NHERF1: variants seen among roughly 807,000 people sequenced by gnomAD.
NHERF1 encodes NHERF family PDZ scaffold protein 1.
the NHERF1 span, among the ~76,000 whole-genome samples, chr17:74,756,874 TG>T: frequency 6.6e-6 from 1 of 152,210 alleles, no homozygotes; most frequent in Non-Finnish European, 1.5e-5. Context: ...AGCTGCTATT[TG>T]TTACTTCAGT....
At chr17:74,758,856 T>C in the NHERF1 span, among the ~76,000 whole-genome samples, 1 of 152,182 alleles carries the variant, frequency 6.6e-6, no homozygotes, top group South Asian at 2.1e-4. The surrounding 1 kb of genome is among the most constrained non-coding windows in gnomAD (Gnocchi z 4.3). Context: ...CTCTCAGTGC[T>C]GGGCCTGGAG....
the NHERF1 span, chr17:74,768,325 A>T: frequency 7.3e-7 from 1 of 1,375,488 alleles, no homozygotes; most frequent in South Asian, 1.2e-5. Flanking sequence ...CCTGCCTTTG[A>T]GGTCACATGC....
At chr17:74,749,379 C>G in the NHERF1 span, 101 of 1,258,494 alleles carry the variant, frequency 8.0e-5, no homozygotes, top group Non-Finnish European at 1.0e-4. The surrounding 1 kb of genome is among the most constrained non-coding windows in gnomAD (Gnocchi z 5.6). Flanking sequence ...CCGCGCCCGC[C>G]GTCGTTTTTC....
At chr17:74,751,524 C>T in the NHERF1 span, among the ~76,000 whole-genome samples, 2 of 152,218 alleles carry the variant, frequency 1.3e-5, no homozygotes, top group Non-Finnish European at 2.9e-5. The surrounding 1 kb of genome is among the most constrained non-coding windows in gnomAD (Gnocchi z 4.3). Flanking sequence ...CTGGGAAGAC[C>T]AGCTGTGTCC....
chr17:74,762,015 G>A, the NHERF1 span: 45 of 1,613,884 alleles, frequency 2.8e-5, no homozygotes, highest in Non-Finnish European at 3.6e-5. The surrounding 1 kb of genome is among the most constrained non-coding windows in gnomAD (Gnocchi z 4.2). Context: ...CCTGCAGCGC[G>A]AGCTTCGGCC....
the NHERF1 span, chr17:74,768,006 G>A: frequency 7.1e-5 from 55 of 771,550 alleles, no homozygotes; most frequent in Non-Finnish European, 3.4e-5. Flanking sequence ...GGCTCAGGAG[G>A]TGGGAACCAG....
At chr17:74,766,920 T>C in the NHERF1 span, 3 of 1,613,982 alleles carry the variant, frequency 1.9e-6, no homozygotes, top group Non-Finnish European at 2.5e-6. Flanking sequence ...TCACCTCTGC[T>C]CTGTCCTTTG....
chr17:74,759,543 C>T, the NHERF1 span, among the ~76,000 whole-genome samples: 1 of 152,216 alleles, frequency 6.6e-6, no homozygotes, highest in African/African-American at 2.4e-5. Flanking sequence ...CAGCCATGCC[C>T]CTGCCCTGTC....
the NHERF1 span, chr17:74,763,646 C>T: frequency 1.1e-6 from 1 of 944,792 alleles, no homozygotes; most frequent in Admixed American, 2.1e-5. Flanking sequence ...GTGCTCCCTC[C>T]TCCTCCTTCA....
the NHERF1 span, among the ~76,000 whole-genome samples, chr17:74,760,227 G>A: frequency 6.6e-6 from 1 of 152,174 alleles, no homozygotes; most frequent in Non-Finnish European, 1.5e-5. The surrounding 1 kb of genome is among the most constrained non-coding windows in gnomAD (Gnocchi z 4.5). Context: ...GTGCCGGGGG[G>A]TGAGCCTGGG....
At chr17:74,749,839 C>T in the NHERF1 span, among the ~76,000 whole-genome samples, 1 of 152,252 alleles carries the variant, frequency 6.6e-6, no homozygotes, top group Admixed American at 6.5e-5. The surrounding 1 kb of genome is among the most constrained non-coding windows in gnomAD (Gnocchi z 5.6). Context: ...TTCAGTCCTG[C>T]TGGACTTCAT....
the NHERF1 span, among the ~76,000 whole-genome samples, chr17:74,766,126 C>CCAT: frequency 6.6e-6 from 1 of 152,094 alleles, no homozygotes; most frequent in Non-Finnish European, 1.5e-5. Context: ...ACCTTGTGAC[C>CCAT]CATCAGTGCC....
chr17:74,768,502 C>G, the NHERF1 span: 1 of 1,614,200 alleles, frequency 6.2e-7, no homozygotes, highest in East Asian at 2.2e-5. Context: ...AAACAGGACT[C>G]CACAGCGCCC....
chr17:74,752,834 C>T, the NHERF1 span, among the ~76,000 whole-genome samples: 4 of 152,258 alleles, frequency 2.6e-5, no homozygotes, highest in African/African-American at 4.8e-5. Context: ...TTCTCCACTA[C>T]GTGGTAAGCC....
chr17:74,763,549 T>A, the NHERF1 span: 1 of 1,561,922 alleles, frequency 6.4e-7, no homozygotes, highest in Non-Finnish European at 8.7e-7. Context: ...CTGGCCGTCC[T>A]GGGGCTGGAG....
At chr17:74,757,050 A>G in the NHERF1 span, among the ~76,000 whole-genome samples, 4 of 152,176 alleles carry the variant, frequency 2.6e-5, no homozygotes, top group Non-Finnish European at 5.9e-5. Flanking sequence ...GCCGGGCTGC[A>G]GCCCAGGTAC....
the NHERF1 span, chr17:74,768,150 A>C: frequency 5.6e-6 from 9 of 1,607,664 alleles, no homozygotes; most frequent in Admixed American, 6.7e-5. Context: ...CTGCCAGGAG[A>C]ACAGTCGTGA....
the NHERF1 span, chr17:74,761,881 G>A: frequency 2.3e-6 from 2 of 858,260 alleles, no homozygotes; most frequent in Non-Finnish European, 1.9e-6. This position sits in a 1 kb window ranked among gnomAD's most constrained non-coding sequence, Gnocchi z 4.3. Context: ...TCAAATTGCT[G>A]TGTAGGGATC....
the NHERF1 span, chr17:74,749,056 G>A: frequency 1.4e-5 from 22 of 1,597,102 alleles, no homozygotes; most frequent in African/African-American, 2.9e-4. This position sits in a 1 kb window ranked among gnomAD's most constrained non-coding sequence, Gnocchi z 5.6. Flanking sequence ...TGGAGAAGGA[G>A]ACCCACCAGC....
Sources: gnomAD v4.1 joint callset for allele counts (sites outside exome capture counted in the v4.1 genomes callset) on GRCh38, gnomAD v4.1.1 for gene constraint, Gnocchi (gnomAD v3.1) non-coding constraint, MANE v1.5 for transcripts, NCBI Gene and HGNC (gene_info 2026-07-23, HGNC 2026-07-21) for gene names.